Variants in FYB2 observed in about 807,000 individuals in gnomAD.
The protein encoded by FYB2 is FYN binding protein 2.
FYB2 carries 103 observed loss-of-function variants against 94.1 expected under a neutral mutation model. That is an observed-to-expected ratio of 1.09 (90% CI 0.93 to 1.29). The LOEUF is 1.29. Ranked by LOEUF, FYB2 falls within the 50% of genes most tolerant of loss-of-function variation. FYB2 has a pLI of 0.00. For synonymous variants in FYB2, 293 were observed against 287.9 expected (o/e 1.02, Z -0.18); for missense variants, 896 against 841.5 (o/e 1.06, Z -0.80).
intron 4 of FYB2, among the ~76,000 whole-genome samples, chr1:56,784,090 C>G (rs1312461063): frequency 2.0e-5 from 3 of 152,008 alleles, no homozygotes; most frequent in Non-Finnish European, 1.5e-5. Context: ...AGATGTAGAC[C>G]TTTAAGATGA....
rs147942632 is a variant in FYB2, at chr1:56,719,683, A to ACTT, written c.2172_2174dup (p.Gln724_Ser725insArg). ...GATCTTGATTTTTCTAAGGTGACCA[A>ACTT]CTTTGATGCCTGTGAAAAAATAAAA... On this transcript the variant is annotated inframe_insertion, in exon 20 of 20. Coordinates refer to ENST00000343433, the MANE Select transcript of FYB2 (RefSeq NM_001004303.5). 300 of 1,595,272 alleles carry ACTT rather than the reference A, an allele frequency of 1.9e-4. No individual in the cohort carries two copies. In the African/African-American group the frequency reaches 3.7e-3, roughly 20 times the overall value.
At chr1:56,722,645 T>C (rs1030242309) in intron 17 of FYB2, among the ~76,000 whole-genome samples, 1 of 151,810 alleles carries the variant, frequency 6.6e-6, no homozygotes, top group African/African-American at 2.4e-5. Context: ...AAGACAAAGA[T>C]AGAGGTGGAG....
intron 15 of FYB2, among the ~76,000 whole-genome samples, chr1:56,731,490 C>T (rs1282665397): frequency 1.3e-5 from 2 of 151,948 alleles, no homozygotes; most frequent in African/African-American, 4.8e-5. Context: ...AACTGGGAAC[C>T]ATTCTAATCT....
Position 56,719,730 on chromosome 1 carries a change from T to C in FYB2, c.2166-38A>G, listed in dbSNP as rs747269122. 33 of 1,509,844 alleles carry C rather than the reference T, an allele frequency of 2.2e-5. No individual in the cohort carries two copies. In the South Asian group the frequency reaches 2.3e-4, roughly 10 times the overall value. The allele number at this position is 1,509,844 out of a possible 1,614,324, so 93.5% of individuals were successfully genotyped here. On this transcript the variant is annotated intron_variant, in intron 19 of 19. Coordinates refer to ENST00000343433, the MANE Select transcript of FYB2 (RefSeq NM_001004303.5). ...AAAAATATGCAAACATTTTAAAATATAGGACAATGAAACAGTTGAGTGGGA... is the reference window on the plus strand; with the variant it reads ...AAAAATATGCAAACATTTTAAAATACAGGACAATGAAACAGTTGAGTGGGA...
intron 4 of FYB2, among the ~76,000 whole-genome samples, chr1:56,784,962 T>C (rs890169532): frequency 2.0e-5 from 3 of 152,332 alleles, no homozygotes; most frequent in African/African-American, 4.8e-5. Flanking sequence ...TGCCCTAAGT[T>C]TTCTGGCCCC....
chr1:56,788,450 C>A (rs1298621179), intron 3 of FYB2, among the ~76,000 whole-genome samples: 1 of 152,108 alleles, frequency 6.6e-6, no homozygotes, highest in Non-Finnish European at 1.5e-5. Flanking sequence ...GAAGAAGACA[C>A]AAAATAGCAC....
At chr1:56,753,771 A>T in intron 8 of FYB2, 68 bp downstream of exon 8, 1 of 1,093,556 alleles carries the variant, frequency 9.1e-7, no homozygotes, top group Non-Finnish European at 1.4e-6. Context: ...CTCTCAGGCC[A>T]TATAAAGTCA....
At chr1:56,761,255 T>C (rs1645487375) in intron 5 of FYB2, among the ~76,000 whole-genome samples, 1 of 152,222 alleles carries the variant, frequency 6.6e-6, no homozygotes, top group African/African-American at 2.4e-5. Flanking sequence ...ACATTTTTTA[T>C]ACTTATAGAT....
chr1:56,763,954 T>G (rs1292725351), intron 5 of FYB2, among the ~76,000 whole-genome samples: 1 of 135,684 alleles, frequency 7.4e-6, no homozygotes. Flanking sequence ...ATTATGTCTA[T>G]TTTTTTTTTT....
chr1:56,781,308 C>T (rs1382099979), intron 4 of FYB2, among the ~76,000 whole-genome samples: 1 of 152,174 alleles, frequency 6.6e-6, no homozygotes, highest in Non-Finnish European at 1.5e-5. Context: ...ATGGGAACAG[C>T]AAATAACCTC....
chr1:56,744,294 A>G, intron 9 of FYB2, 28 bp from the exon 10 acceptor site: 1 of 1,518,044 alleles, frequency 6.6e-7, no homozygotes, highest in Non-Finnish European at 9.1e-7. Flanking sequence ...AACCTGAAAA[A>G]CATCACATCA....
chr1:56,736,313 G>A (rs1376002253), intron 15 of FYB2, among the ~76,000 whole-genome samples: 1 of 151,364 alleles, frequency 6.6e-6, no homozygotes, highest in East Asian at 1.9e-4. Flanking sequence ...CAGTGAGCAA[G>A]GAAAGATGAA....
intron 15 of FYB2, among the ~76,000 whole-genome samples, chr1:56,733,859 C>T (rs538820827): frequency 3.1e-4 from 47 of 152,080 alleles, no homozygotes; most frequent in African/African-American, 9.2e-4. Context: ...AGAATAAGTG[C>T]GATGTGGTGC....
chr1:56,802,747 GTA>G (rs1646550832), intron 1 of FYB2, among the ~76,000 whole-genome samples: 1 of 152,182 alleles, frequency 6.6e-6, no homozygotes, highest in African/African-American at 2.4e-5. Context: ...ATATTTTGGT[GTA>G]GGGAACCCTT....
At chr1:56,755,261 G>A (rs577239120) in intron 7 of FYB2, among the ~76,000 whole-genome samples, 1 of 152,222 alleles carries the variant, frequency 6.6e-6, no homozygotes, top group South Asian at 2.1e-4. Flanking sequence ...GGGGAGTAGG[G>A]AGGGGAGGAT....
At chr1:56,778,245 G>T (rs1467957152) in intron 4 of FYB2, among the ~76,000 whole-genome samples, 1 of 152,150 alleles carries the variant, frequency 6.6e-6, no homozygotes, top group Non-Finnish European at 1.5e-5. Context: ...TTCCCAAACA[G>T]CCCTCCTTCC....
intron 1 of FYB2, among the ~76,000 whole-genome samples, chr1:56,798,807 G>A (rs1646458163): frequency 6.6e-6 from 1 of 152,146 alleles, no homozygotes; most frequent in South Asian, 2.1e-4. Context: ...ACTTGTCCAA[G>A]GTCACGCAGC....
intron 3 of FYB2, 92 bp downstream of exon 3, chr1:56,788,881 A>G (rs773687752): frequency 2.0e-6 from 3 of 1,522,426 alleles, no homozygotes; most frequent in South Asian, 1.1e-5. Flanking sequence ...AGCCTCATGG[A>G]AAAGCAGCAG....
intron 2 of FYB2, 110 bp downstream of exon 2, chr1:56,791,946 G>A (rs1018989507): frequency 2.1e-6 from 3 of 1,419,914 alleles, no homozygotes; most frequent in Non-Finnish European, 2.8e-6. Context: ...AGAGTCTGGA[G>A]CCACATTTCC....
Sources: allele counts gnomAD v4.1 joint callset (sites outside exome capture counted in the v4.1 genomes callset), GRCh38; gene constraint gnomAD v4.1.1; transcripts MANE v1.5; gene names NCBI Gene and HGNC (gene_info 2026-07-23, HGNC 2026-07-21).